RELN: variants seen among roughly 807,000 people sequenced by gnomAD.
The protein encoded by RELN is reelin.
RELN carries 108 observed loss-of-function variants against 427.6 expected under a neutral mutation model. The observed-to-expected ratio is 0.25, with a 90% CI of 0.22 to 0.30. RELN has a LOEUF of 0.30. Ranked by LOEUF, RELN falls within the 10% of genes least tolerant of loss-of-function variation. RELN has a pLI of 1.00. For synonymous variants in RELN, 1,524 were observed against 1,513.4 expected (o/e 1.01, Z -0.16); for missense variants, 3,715 against 4,302.8 (o/e 0.86, Z 3.82).
At chr7:103,631,286 CTTTTTTTTTTTTTT>C (rs545808640) in intron 19 of RELN, among the ~76,000 whole-genome samples, 1 of 77,812 alleles carries the variant, frequency 1.3e-5, no homozygotes, top group Non-Finnish European at 2.3e-5. Flanking sequence ...AAAAACACTT[CTTTTTTTTTTTTTT>C]TTTTTTTTTT....
At chr7:103,567,076 C>T (rs1220448252) in intron 31 of RELN, among the ~76,000 whole-genome samples, 1 of 152,146 alleles carries the variant, frequency 6.6e-6, no homozygotes, top group Non-Finnish European at 1.5e-5. Context: ...AGATTCTGTT[C>T]TGAACATTAC....
rs1449281679 is a variant in RELN at position 103,802,507 on chromosome 7, C to CT, written c.474-25881_474-25880insA. On this transcript the variant is annotated intron_variant, in intron 3 of 64. Transcript: ENST00000428762. ...TTATATATTAGATTTACTCGTAGACCAAGATTCACCAGAATTTAAATTAAT... is the reference window on the plus strand; with the variant it reads ...TTATATATTAGATTTACTCGTAGACCTAAGATTCACCAGAATTTAAATTAAT... Among the ~76,000 whole-genome samples, 3 of 152,094 alleles carry CT rather than the reference C, an allele frequency of 2.0e-5. No individual in the cohort carries two copies. In the East Asian group the frequency reaches 5.8e-4, roughly 29 times the overall value.
chr7:103,496,350 A>G (rs564459218), intron 56 of RELN, among the ~76,000 whole-genome samples, 176 bp downstream of exon 56: 1 of 152,342 alleles, frequency 6.6e-6, no homozygotes, highest in African/African-American at 2.4e-5. Context: ...GACATTTCAA[A>G]AAGCAGCCAA....
chr7:103,530,255 G>C (rs189520355), intron 46 of RELN, among the ~76,000 whole-genome samples: 12 of 152,266 alleles, frequency 7.9e-5, no homozygotes, highest in African/African-American at 2.6e-4. Context: ...ACTTTAGCTT[G>C]CTCCCCGCAT....
chr7:103,766,461 T>C (rs900027852), intron 4 of RELN, among the ~76,000 whole-genome samples: 1 of 152,208 alleles, frequency 6.6e-6, no homozygotes, highest in Non-Finnish European at 1.5e-5. Flanking sequence ...TATTTAGTAA[T>C]ATAAGCTGTT....
chr7:103,689,180 T>C (rs1241789627), intron 10 of RELN, among the ~76,000 whole-genome samples: 1 of 152,130 alleles, frequency 6.6e-6, no homozygotes, highest in Non-Finnish European at 1.5e-5. Context: ...ATTTACTTCT[T>C]AAAACAAGTT....
chr7:103,906,953 A>AT (rs1006649519), intron 2 of RELN, among the ~76,000 whole-genome samples: 30 of 152,030 alleles, frequency 2.0e-4, no homozygotes, highest in African/African-American at 3.9e-4. Context: ...TCCTTAAACT[A>AT]TTTTTTCCTA....
intron 8 of RELN, among the ~76,000 whole-genome samples, chr7:103,712,758 A>G (rs1174021138): frequency 6.6e-6 from 1 of 152,220 alleles, no homozygotes; most frequent in Non-Finnish European, 1.5e-5. Flanking sequence ...TTTTTGTAAT[A>G]TGAAATTACA....
At chr7:103,665,479 C>A (rs1311548779) in intron 11 of RELN, among the ~76,000 whole-genome samples, 1 of 151,960 alleles carries the variant, frequency 6.6e-6, no homozygotes, top group Non-Finnish European at 1.5e-5. Context: ...TACTGTTGCC[C>A]TTGTTAACTC....
chr7:103,838,572 C>T (rs912803767), intron 2 of RELN, among the ~76,000 whole-genome samples: 7 of 152,116 alleles, frequency 4.6e-5, no homozygotes, highest in African/African-American at 1.4e-4. Context: ...GACTCAATAG[C>T]GTGACTCAGG....
At chr7:103,773,004 G>A (rs1253696705) in intron 4 of RELN, among the ~76,000 whole-genome samples, 1 of 152,112 alleles carries the variant, frequency 6.6e-6, no homozygotes. Context: ...AAAATCCTGA[G>A]GGAGGATATT....
intron 19 of RELN, among the ~76,000 whole-genome samples, chr7:103,634,272 G>T (rs904962528): frequency 7.2e-5 from 11 of 152,096 alleles, no homozygotes; most frequent in African/African-American, 2.7e-4. Context: ...TCCAGGAAGT[G>T]AAGTGGAATG....
In RELN at chr7:103,545,391, T is replaced by C. The variant is rs374401435; in HGVS notation, c.6303-47A>G. ...TCAAAAGCTAATCAACAGAACAATA[T>C]ACCTTCAAAGTATGCACATCTGATC... is the stretch of plus-strand genomic sequence containing the variant. On this transcript the variant is annotated intron_variant, in intron 41 of 64. Transcript: ENST00000428762. 3.9e-6 allele frequency: 5 copies of C among 1,291,166 alleles called. No individual in the cohort carries two copies. In the African/African-American group the frequency reaches 7.3e-5, roughly 19 times the overall value. 80.0% of individuals were successfully genotyped at this position (1,291,166 alleles called of 1,614,324 possible). A position where few individuals can be genotyped will look rare whatever the true frequency, so the allele number is the denominator to read the frequency against.
chr7:103,610,762 T>C lies in RELN; in HGVS notation c.2941A>G (p.Ser981Gly), dbSNP rs765275144. The C allele has an allele frequency of 1.2e-6, 2 of 1,612,534 alleles. No individual in the cohort carries two copies. The highest frequency in any genetic ancestry group is 3.3e-5 in the Admixed American group (2 of 60,002). Residue 981 changes from serine (S) to glycine (G), a missense_variant, in exon 22 of 65, where the codon AGT becomes GGT. Ser to Gly is a moderately conservative substitution (Grantham distance 56). Transcript: ENST00000428762. ...GTAAACTCACTGGCATGGTAAATAC[T>C]TGCTGATGTAAATTCCTGACAACTT... is the stretch of plus-strand genomic sequence containing the variant. ...MPSCQEFTSA[S>G]IYHASEFTQW...
chr7:103,775,896 G>T (rs1035081573), intron 4 of RELN, among the ~76,000 whole-genome samples: 19 of 152,112 alleles, frequency 1.2e-4, no homozygotes, highest in Non-Finnish European at 2.8e-4. Context: ...CCTTTTCAGA[G>T]AAAAATTCTC....
Position 103,972,380 on chromosome 7 carries a change from C to T in RELN, c.226+16751G>A, listed in dbSNP as rs143115667. On this transcript the variant is annotated intron_variant, in intron 1 of 64. Transcript: ENST00000428762. ...ATTTAGAAACTAGTTTCCTCCCTTG[C>T]GCTGGAAGAGCTTGGTCCTGAGAAC... is the stretch of plus-strand genomic sequence containing the variant. Among the ~76,000 whole-genome samples, 1,187 of 152,298 alleles carry T rather than the reference C, an allele frequency of 7.8e-3. 14 individuals carry two copies. Among genetic ancestry groups the T allele is most frequent in the African/African-American group, 0.027 (1,119 of 41,564 alleles).
rs776272389 is a variant in RELN, at chr7:103,603,742, C to T, written c.3147-252G>A. ...GTAGAATTTGGGCATCAAGTATTTA[C>T]GAAGGACAGTGGTGTGTGTGCTTAT... On this transcript the variant is annotated intron_variant, in intron 23 of 64. Transcript: ENST00000428762. This position sits in a 1 kb window ranked among gnomAD's most constrained non-coding sequence, Gnocchi z 4.3. Among the ~76,000 whole-genome samples, 2 of 152,132 alleles carry T rather than the reference C, an allele frequency of 1.3e-5. No homozygotes were observed. Among genetic ancestry groups the T allele is most frequent in the Non-Finnish European group, 2.9e-5 (2 of 67,982 alleles).
chr7:103,664,928 T>C (rs892765329), intron 11 of RELN, among the ~76,000 whole-genome samples: 2 of 152,162 alleles, frequency 1.3e-5, no homozygotes, highest in African/African-American at 2.4e-5. Flanking sequence ...TGTCGTTGGA[T>C]GTATGGATGA....
Position 103,603,373 on chromosome 7 carries a change from C to T in RELN, c.3264G>A (p.Gly1088=), listed in dbSNP as rs1481853229. ...GWESDWQEVI[G]GEIVKPEQGC... ...CTTGTTCTGGTTTTACAATTTCTCC[C>T]CCAATAACTTCTTGCCAGTCAGACT... Residue 1088 remains glycine (G), a synonymous_variant, in exon 24 of 65, where the codon GGG becomes GGA. Transcript: ENST00000428762. This position sits in a 1 kb window ranked among gnomAD's most constrained non-coding sequence, Gnocchi z 4.3. 1 of 1,613,840 alleles carries T rather than the reference C, an allele frequency of 6.2e-7. No homozygotes were observed. The highest frequency in any genetic ancestry group is 8.5e-7 in the Non-Finnish European group (1 of 1,179,804).
Sources: gnomAD v4.1 joint callset for allele counts (sites outside exome capture counted in the v4.1 genomes callset) on GRCh38, gnomAD v4.1.1 for gene constraint, Gnocchi (gnomAD v3.1) non-coding constraint, MANE v1.5 for transcripts, NCBI Gene and HGNC (gene_info 2026-07-23, HGNC 2026-07-21) for gene names.